CNTNAP2: variants seen among roughly 807,000 people sequenced by gnomAD.
The protein encoded by CNTNAP2 is contactin associated protein 2, also known as contactin-associated protein-like 2.
A neutral mutation model predicts 155.2 loss-of-function variants in CNTNAP2; 98 were observed. The observed-to-expected ratio is 0.63, with a 90% CI of 0.54 to 0.75. The LOEUF (loss-of-function observed/expected upper bound fraction) is 0.75. Ranked by LOEUF, CNTNAP2 falls within the 30% of genes least tolerant of loss-of-function variation. The pLI is 0.00. For missense variants in CNTNAP2, 1,727 were observed against 1,688.1 expected (o/e 1.02, Z -0.40); for synonymous variants, 651 against 631.2 (o/e 1.03, Z -0.47).
intron 1 of CNTNAP2, among the ~76,000 whole-genome samples, chr7:146,381,966 A>C (rs780702705): frequency 6.6e-6 from 1 of 152,158 alleles, no homozygotes; most frequent in South Asian, 2.1e-4. Flanking sequence ...TTGCCCCCAT[A>C]TGATAATAAC....
At chr7:146,679,347 CTTTTTTTTT>C (rs34541415) in intron 1 of CNTNAP2, among the ~76,000 whole-genome samples, 1 of 106,928 alleles carries the variant, frequency 9.4e-6, no homozygotes, top group Non-Finnish European at 1.7e-5. Flanking sequence ...GATCTTGTTT[CTTTTTTTTT>C]TTTTTTTTTT....
At chr7:146,458,118 G>T (rs370183087) in intron 1 of CNTNAP2, among the ~76,000 whole-genome samples, 1 of 151,986 alleles carries the variant, frequency 6.6e-6, no homozygotes, top group Admixed American at 6.6e-5. Context: ...CACATGGAGG[G>T]GAACAACACA....
chr7:148,314,160 A>C (rs1040043517), intron 21 of CNTNAP2, among the ~76,000 whole-genome samples: 5 of 152,098 alleles, frequency 3.3e-5, no homozygotes, highest in African/African-American at 1.2e-4. Flanking sequence ...TAGAAAAGGA[A>C]GATTAGAAAG....
intron 13 of CNTNAP2, among the ~76,000 whole-genome samples, chr7:147,835,751 G>A (rs910521709): frequency 1.3e-5 from 2 of 152,170 alleles, no homozygotes; most frequent in African/African-American, 4.8e-5. Context: ...CCTGGACTTA[G>A]AAATCTACTC....
intron 11 of CNTNAP2, among the ~76,000 whole-genome samples, chr7:147,545,546 C>G (rs969438159): frequency 2.6e-5 from 4 of 152,120 alleles, no homozygotes; most frequent in Admixed American, 1.3e-4. Context: ...GAGATAGGCT[C>G]TTCTGAATAA....
At chr7:146,258,895 A>G (rs1472764568) in intron 1 of CNTNAP2, among the ~76,000 whole-genome samples, 1 of 152,148 alleles carries the variant, frequency 6.6e-6, no homozygotes, top group African/African-American at 2.4e-5. Context: ...TAATTATGTT[A>G]TCATACTGAG....
In CNTNAP2 at chr7:148,349,097, G is replaced by A. The variant is rs540248061; in HGVS notation, c.3476-34552G>A. Among the ~76,000 whole-genome samples the A allele has an allele frequency of 1.1e-4, 17 of 151,934 alleles. 1 individual carries two copies. In the South Asian group the frequency reaches 3.3e-3, roughly 30 times the overall value. On this transcript the variant is annotated intron_variant, in intron 21 of 23. Coordinates refer to ENST00000361727, the MANE Select transcript of CNTNAP2 (RefSeq NM_014141.6). ...GCTTTTATGGAGCTGACTTGCTGGT[G>A]AGAAAAAAATAAATAAATAAAACAG...
chr7:146,311,623 A>G (rs191544107), intron 1 of CNTNAP2: 2 of 149,592 alleles, frequency 1.3e-5, no homozygotes, highest in African/African-American at 4.9e-5. Context: ...AAAAAAAAAA[A>G]AAAAAGAAAG....
chr7:146,849,521 G>A (rs919214839), intron 3 of CNTNAP2, among the ~76,000 whole-genome samples: 3 of 152,206 alleles, frequency 2.0e-5, no homozygotes, highest in East Asian at 1.9e-4. Flanking sequence ...GCTCTGGACC[G>A]GACCTCAAAT....
In CNTNAP2 at chr7:147,389,586, C is replaced by T. The variant is rs758989395; in HGVS notation, c.1499-6023C>T. 5.0e-4 allele frequency among the ~76,000 whole-genome samples: 76 copies of T among 152,250 alleles called. No individual in the cohort carries two copies. In the Middle Eastern group the frequency reaches 0.01, roughly 20 times the overall value. On this transcript the variant is annotated intron_variant, in intron 9 of 23. Coordinates refer to ENST00000361727, the MANE Select transcript of CNTNAP2 (RefSeq NM_014141.6). ...CAAGAATAGCAATATACTGAGTGGA[C>T]TTCAAATCAAGTATGAAGTTTTTAT...
At chr7:147,459,329 A>T (rs1797976499) in intron 10 of CNTNAP2, among the ~76,000 whole-genome samples, 1 of 152,262 alleles carries the variant, frequency 6.6e-6, no homozygotes, top group South Asian at 2.1e-4. Flanking sequence ...TTGTACCTCC[A>T]GTTCTATGAT....
At chr7:146,479,456 T>A (rs1370694602) in intron 1 of CNTNAP2, among the ~76,000 whole-genome samples, 3 of 152,204 alleles carry the variant, frequency 2.0e-5, no homozygotes, top group African/African-American at 4.8e-5. Context: ...CTATATCACA[T>A]AAATTTATAA....
intron 8 of CNTNAP2, among the ~76,000 whole-genome samples, chr7:147,218,138 T>C (rs1450863913): frequency 6.6e-6 from 1 of 151,902 alleles, no homozygotes; most frequent in African/African-American, 2.4e-5. Flanking sequence ...TCAATTGCAT[T>C]GGTTTCTTCT....
chr7:147,418,542 G>C (rs547435633), intron 10 of CNTNAP2, among the ~76,000 whole-genome samples: 43 of 152,280 alleles, frequency 2.8e-4, no homozygotes, highest in Admixed American at 2.5e-3. Context: ...GCACCCTAAT[G>C]TAAAATTGCA....
intron 1 of CNTNAP2, among the ~76,000 whole-genome samples, chr7:146,299,989 A>G (rs188672518): frequency 1.3e-5 from 2 of 152,170 alleles, no homozygotes; most frequent in Admixed American, 1.3e-4. Context: ...CCATGGAAGT[A>G]ATATAAGCTG....
At chr7:148,296,362 C>CG (rs563303472) in intron 21 of CNTNAP2, among the ~76,000 whole-genome samples, 15 of 151,300 alleles carry the variant, frequency 9.9e-5, no homozygotes, top group Non-Finnish European at 1.8e-4. Flanking sequence ...ACAGTGAGAC[C>CG]CCCCCCGCCC....
chr7:146,761,223 A>G (rs2129184005), intron 1 of CNTNAP2, among the ~76,000 whole-genome samples: 1 of 152,190 alleles, frequency 6.6e-6, no homozygotes, highest in South Asian at 2.1e-4. Context: ...CTCATAGTAG[A>G]GTCAGATATT....
At chr7:146,574,000 T>C (rs10216089) in intron 1 of CNTNAP2, among the ~76,000 whole-genome samples, 121,899 of 152,118 alleles carry the variant, frequency 0.8, 49,350 homozygotes, top group South Asian at 0.88. Context: ...TCTGGAAACT[T>C]TGTTTCTGGA....
chr7:148,217,261 T>C (rs1246031181), intron 18 of CNTNAP2, 27 bp from the exon 19 acceptor site: 1 of 1,612,398 alleles, frequency 6.2e-7, no homozygotes, highest in Non-Finnish European at 8.5e-7. Context: ...CTCCTCATTT[T>C]TCAATTCTCT....
Sources: allele counts gnomAD v4.1 joint callset (sites outside exome capture counted in the v4.1 genomes callset), GRCh38; gene constraint gnomAD v4.1.1; transcripts MANE v1.5; gene names NCBI Gene and HGNC (gene_info 2026-07-23, HGNC 2026-07-21).